The following BCL2 variants were observed in gnomAD, a reference collection of about 807,000 sequenced individuals.
BCL2 encodes apoptosis regulator Bcl-2.
A neutral mutation model predicts 14.2 loss-of-function variants in BCL2; 1 was observed. The ratio of observed to expected loss-of-function variants is 0.07; its 90% CI spans 0.02 to 0.33. The LOEUF (loss-of-function observed/expected upper bound fraction) is 0.33. Ranked by LOEUF, BCL2 falls within the 10% of genes least tolerant of loss-of-function variation. The pLI is 0.99. For missense variants in BCL2, 247 were observed against 305.9 expected (o/e 0.81, Z 1.44); for synonymous variants, 151 against 137.2 (o/e 1.10, Z -0.70).
At chr18:63,255,829 C>T (rs896666495) in intron 2 of BCL2, among the ~76,000 whole-genome samples, 8 of 149,260 alleles carry the variant, frequency 5.4e-5, no homozygotes, top group Admixed American at 1.3e-4. Flanking sequence ...TGCAGCCCTC[C>T]CCCCCCGCCA....
At chr18:63,236,982 G>A (rs1482133951) in intron 2 of BCL2, among the ~76,000 whole-genome samples, 1 of 152,096 alleles carries the variant, frequency 6.6e-6, no homozygotes, top group East Asian at 1.9e-4. Flanking sequence ...TGAAACGGGA[G>A]CTTCCGCATT....
At chr18:63,264,344 C>A (rs1196041224) in intron 2 of BCL2, among the ~76,000 whole-genome samples, 1 of 152,154 alleles carries the variant, frequency 6.6e-6, no homozygotes, top group African/African-American at 2.4e-5. Flanking sequence ...ATTTTACACA[C>A]CCCCTGTAAA....
intron 2 of BCL2, chr18:63,208,303 C>T (rs776864974): frequency 6.6e-6 from 1 of 152,192 alleles, no homozygotes; most frequent in Non-Finnish European, 1.5e-5. Context: ...AACGACCTAC[C>T]CACAGAAAGA....
chr18:63,260,779 G>C (rs746751244), intron 2 of BCL2, among the ~76,000 whole-genome samples: 2 of 151,728 alleles, frequency 1.3e-5, no homozygotes, highest in African/African-American at 4.8e-5. Flanking sequence ...GGAGAAATAA[G>C]AGGAACAATA....
At chr18:63,256,513 G>A (rs1278314997) in intron 2 of BCL2, among the ~76,000 whole-genome samples, 1 of 152,134 alleles carries the variant, frequency 6.6e-6, no homozygotes, top group Admixed American at 6.5e-5. Flanking sequence ...CACCATGCCC[G>A]GCCAACTTTA....
At chr18:63,297,081 C>T (rs1276754728) in intron 2 of BCL2, among the ~76,000 whole-genome samples, 1 of 152,030 alleles carries the variant, frequency 6.6e-6, no homozygotes, top group Non-Finnish European at 1.5e-5. Context: ...GGGATGGTGG[C>T]GGGCGCCTGT....
intron 2 of BCL2, among the ~76,000 whole-genome samples, chr18:63,138,187 G>T (rs568627712): frequency 6.6e-6 from 1 of 152,258 alleles, no homozygotes; most frequent in Non-Finnish European, 1.5e-5. Flanking sequence ...CAGAGCAAGA[G>T]GGGGAGCAAG....
chr18:63,265,499 C>T (rs1440596490), intron 2 of BCL2, among the ~76,000 whole-genome samples: 1 of 152,174 alleles, frequency 6.6e-6, no homozygotes, highest in Non-Finnish European at 1.5e-5. Context: ...TACACTCTAT[C>T]ACTTCTTTCT....
intron 2 of BCL2, among the ~76,000 whole-genome samples, chr18:63,160,556 C>T (rs2199937): frequency 0.25 from 38,552 of 152,096 alleles, 6,252 homozygotes; most frequent in East Asian, 0.55. Flanking sequence ...GTTTCAACAC[C>T]GAGAGGAGTT....
At chr18:63,172,655 C>T (rs974831298) in intron 2 of BCL2, among the ~76,000 whole-genome samples, 3 of 152,154 alleles carry the variant, frequency 2.0e-5, no homozygotes, top group Non-Finnish European at 4.4e-5. Context: ...GTGGCGGGCG[C>T]CTGTAGTCCC....
rs61733416 is a variant in BCL2 at position 63,318,367 on chromosome 18, G to A, written c.300C>T (p.Ala100=). The change falls in exon 2 of 3, where the codon GCC becomes GCT. Residue 100 remains alanine (A), a synonymous_variant. Coordinates refer to ENST00000333681, the MANE Select transcript of BCL2 (RefSeq NM_000633.3). This position sits in a 1 kb window ranked among gnomAD's most constrained non-coding sequence, Gnocchi z 7.4. ...PPVVHLTLRQ[A]GDDFSRRYRR... The stretch of plus-strand genomic sequence containing the variant: ...GGTAGCGGCGGGAGAAGTCGTCGCC[G>A]GCCTGGCGGAGGGTCAGGTGGACCA... The A allele has an allele frequency of 0.015, 24,118 of 1,604,426 alleles. 222 individuals are homozygous for A. The highest frequency in any genetic ancestry group is 0.035 in the African/African-American group (2,640 of 74,938).
chr18:63,129,836 G>A (rs1342850684), intron 2 of BCL2, among the ~76,000 whole-genome samples: 2 of 152,138 alleles, frequency 1.3e-5, no homozygotes, highest in Non-Finnish European at 2.9e-5. Context: ...CAACCTCTAA[G>A]GTCAAGGTTC....
intron 2 of BCL2, among the ~76,000 whole-genome samples, chr18:63,199,847 A>T (rs1398481954): frequency 6.6e-6 from 1 of 152,058 alleles, no homozygotes; most frequent in East Asian, 1.9e-4. Flanking sequence ...TTTTTCAATC[A>T]AGAAACCCTG....
chr18:63,250,157 C>T (rs1004906971), intron 2 of BCL2, among the ~76,000 whole-genome samples: 2 of 152,186 alleles, frequency 1.3e-5, no homozygotes, highest in Non-Finnish European at 2.9e-5. Flanking sequence ...AATAAAAGCA[C>T]ACTGAATCAC....
At chr18:63,290,712 T>G (rs1278726670) in intron 2 of BCL2, among the ~76,000 whole-genome samples, 1 of 152,184 alleles carries the variant, frequency 6.6e-6, no homozygotes, top group African/African-American at 2.4e-5. Context: ...TGGGCTCAGT[T>G]CAGGCTTCAC....
chr18:63,273,781 C>G (rs1912070664), intron 2 of BCL2, among the ~76,000 whole-genome samples: 2 of 152,162 alleles, frequency 1.3e-5, no homozygotes, highest in African/African-American at 4.8e-5. Flanking sequence ...TCTTAAGGCT[C>G]TGTCTATACT....
At chr18:63,200,059 C>G (rs1045184841) in intron 2 of BCL2, among the ~76,000 whole-genome samples, 2 of 152,174 alleles carry the variant, frequency 1.3e-5, no homozygotes, top group African/African-American at 2.4e-5. Flanking sequence ...CTGTTTCCAA[C>G]ATGTTCCTGT....
chr18:63,170,942 C>T (rs540225898), intron 2 of BCL2, among the ~76,000 whole-genome samples: 32 of 152,252 alleles, frequency 2.1e-4, no homozygotes, highest in African/African-American at 4.8e-4. Flanking sequence ...ATCAGGTAGA[C>T]GCCAATGTTT....
rs1435616058 is a variant in BCL2, at chr18:63,149,297, GCA to G, written c.586-20540_586-20539del. Among the ~76,000 whole-genome samples the G allele has an allele frequency of 6.6e-6, 1 of 152,174 alleles. No individual in the cohort carries two copies. Among genetic ancestry groups the G allele is most frequent in the Non-Finnish European group, 1.5e-5 (1 of 68,032 alleles). ...AGCACACAACCTAGATCCCTTGTGG[GCA>G]CAGTTCACAATAGGGTTTGCACTCC... On this transcript the variant is annotated intron_variant, in intron 2 of 2. Coordinates refer to ENST00000333681, the MANE Select transcript of BCL2 (RefSeq NM_000633.3). This position sits in a 1 kb window ranked among gnomAD's most constrained non-coding sequence, Gnocchi z 4.2.
Sources: allele counts gnomAD v4.1 joint callset (sites outside exome capture counted in the v4.1 genomes callset), GRCh38; gene constraint gnomAD v4.1.1; non-coding constraint Gnocchi (gnomAD v3.1); transcripts MANE v1.5; gene names NCBI Gene and HGNC (gene_info 2026-07-23, HGNC 2026-07-21).